PNKP: variants seen among roughly 807,000 people sequenced by gnomAD.
The protein encoded by PNKP is polynucleotide kinase 3'-phosphatase, also known as bifunctional polynucleotide phosphatase/kinase.
A neutral mutation model predicts 66.2 loss-of-function variants in PNKP; 82 were observed. The observed-to-expected ratio is 1.24, with a 90% CI of 1.04 to 1.49. The LOEUF (loss-of-function observed/expected upper bound fraction) is 1.49. Among genes scored for constraint, PNKP ranks in the 40% most tolerant of loss-of-function variants. The pLI, the probability that PNKP is intolerant of heterozygous loss-of-function variation, is 0.00. For missense variants in PNKP, 907 were observed against 706.8 expected (o/e 1.28, Z -3.21); for synonymous variants, 412 against 298.9 (o/e 1.38, Z -3.90).
At chr19:49,863,539 A>T (rs2074795512) in intron 8 of PNKP, 150 bp downstream of exon 8, 1 of 658,288 alleles carries the variant, frequency 1.5e-6, no homozygotes, top group East Asian at 2.7e-5. Flanking sequence ...GGTCTCGTAA[A>T]CCAACATCTA....
rs1400807840 is a variant in PNKP at position 49,864,498 on chromosome 19, G to A, written c.499-95C>T. On this transcript the variant is annotated intron_variant, in intron 4 of 16. Coordinates refer to ENST00000322344, the MANE Select transcript of PNKP (RefSeq NM_007254.4). ...TCACACCAACCCTGCCAGGCAGGGT[G>A]TTATCACTGCCATCTCACAGATGGG... 21 of 903,080 alleles carry A rather than the reference G, an allele frequency of 2.3e-5. 1 individual carries two copies. Among genetic ancestry groups the A allele is most frequent in the Non-Finnish European group, 3.5e-5 (19 of 540,924 alleles). 55.9% of individuals were successfully genotyped at this position (903,080 alleles called of 1,614,324 possible).
At chr19:49,865,525 A>G (rs886860832) in intron 3 of PNKP, 99 bp from the exon 4 acceptor site, 1 of 795,860 alleles carries the variant, frequency 1.3e-6, no homozygotes, top group Non-Finnish European at 2.1e-6. Context: ...CTCCACCACT[A>G]TCAGACCCTT....
rs1281429993 is a variant in PNKP, at chr19:49,861,480, G to A, written c.1417C>T (p.Pro473Ser). 1.2e-6 allele frequency: 2 copies of A among 1,611,610 alleles called. No individual in the cohort carries two copies. The highest frequency in any genetic ancestry group is 2.2e-5 in the East Asian group (1 of 44,758). ...FREMTDSSHIPVSDMVMYGYR... is the reference protein window; with the variant it reads ...FREMTDSSHISVSDMVMYGYR... ...CCATACATGACCATGTCTGACACGG[G>A]GATATGAGAGGAGTCCGTCATCTCT... Residue 473 changes from proline (P) to serine (S), a missense_variant, in exon 16 of 17, where the codon CCC becomes TCC. Physicochemically the swap from Pro to Ser is moderately conservative, Grantham distance 74 (BLOSUM62 -1). Transcript: ENST00000322344.
chr19:49,861,962 G>A lies in PNKP; in HGVS notation c.1189-81C>T, dbSNP rs2074772220. 5 of 1,587,030 alleles carry A rather than the reference G, an allele frequency of 3.2e-6. No homozygotes were observed. The East Asian group carries it at 1.1e-4, about 36-fold the overall frequency. ...CGAGCGGGGACGGGGAGGCAATGAT[G>A]GAGGAAAGCCGCCCCAAACCAGTTG... On this transcript the variant is annotated intron_variant, in intron 13 of 16. Coordinates refer to ENST00000322344, the MANE Select transcript of PNKP (RefSeq NM_007254.4).
At position 49,864,034 on chromosome 19, in the gene PNKP, C is replaced by A. The variant is rs2074799850; in HGVS notation, c.674G>T (p.Gly225Val). 6.2e-7 allele frequency: 1 copy of A among 1,614,036 alleles called. No homozygotes were observed. Among genetic ancestry groups the A allele is most frequent in the Non-Finnish European group, 8.5e-7 (1 of 1,180,026 alleles). The change falls in exon 7 of 17, where the codon GGG becomes GTG. Residue 225 changes from glycine to valine, a missense_variant. Coordinates refer to ENST00000322344, the MANE Select transcript of PNKP (RefSeq NM_007254.4). Reference protein sequence around the residue: ...IFTNQMSIGRGKLPAEEFKAK... With the variant: ...IFTNQMSIGRVKLPAEEFKAK... ...CTTGAACTCCTCGGCTGGCAGCTTC[C>A]CGCGCCCGATGCTCATCTGGTTGGT...
chr19:49,862,376 C>G lies in PNKP; in HGVS notation c.1024G>C (p.Asp342His), dbSNP rs2074780573. 1 of 1,483,772 alleles carries G rather than the reference C, an allele frequency of 6.7e-7. No homozygotes were observed. Among genetic ancestry groups the G allele is most frequent in the South Asian group, 1.2e-5 (1 of 82,676 alleles). 91.9% of individuals were successfully genotyped at this position (1,483,772 alleles called of 1,614,324 possible). A position where few individuals can be genotyped will look rare whatever the true frequency, so the allele number is the denominator to read the frequency against. The change falls in exon 11 of 17, where the codon GAT (aspartate) becomes CAT (histidine). Residue 342 changes from aspartate (D) to histidine (H), a missense_variant. Asp to His is a moderately conservative substitution (Grantham distance 81, BLOSUM62 -1). Coordinates refer to ENST00000322344, the MANE Select transcript of PNKP (RefSeq NM_007254.4). ...PAAGFELPAF[D>H]PRTVSRSGPL... is the part of the protein sequence containing the mutation. ...CCCCCGCCCCAGGGCCTCACCGGAT[C>G]AAAGGCTGGGAGCTCGAAGCCGGCT...
Position 49,862,151 on chromosome 19 carries a change from G to A in PNKP, c.1126+34C>T, listed in dbSNP as rs370937493. 1.7e-3 allele frequency: 2,781 copies of A among 1,613,340 alleles called. 2 individuals are homozygous for A. The highest frequency in any genetic ancestry group is 2.1e-3 in the Non-Finnish European group (2,468 of 1,179,268). The stretch of plus-strand genomic sequence containing the variant: ...GTGGGTGGCCTAGGACCCAGGCGGG[G>A]CTCAGGGCACGCGCACAGGAACAGG... On this transcript the variant is annotated intron_variant, in intron 12 of 16. Transcript: ENST00000322344.
rs772557014 is a variant in PNKP at position 49,862,112 on chromosome 19, G to T, written c.1127-7C>A. 8 of 1,614,086 alleles carry T rather than the reference G, an allele frequency of 5.0e-6. No homozygotes were observed. Among genetic ancestry groups the T allele is most frequent in the Admixed American group, 1.7e-5 (1 of 60,022 alleles). On this transcript the variant is annotated splice_polypyrimidine_tract_variant and splice_region_variant and intron_variant, in intron 12 of 16. Coordinates refer to ENST00000322344, the MANE Select transcript of PNKP (RefSeq NM_007254.4). Reference sequence around the variant, plus strand: ...AGAAAGGTGGACTTCCCGGCTGTGTGGGGGGCAGTGTCGGTGGGTGGCCTA... The same window carrying T: ...AGAAAGGTGGACTTCCCGGCTGTGTTGGGGGCAGTGTCGGTGGGTGGCCTA...
intron 2 of PNKP, 139 bp downstream of exon 2, chr19:49,866,915 T>G: frequency 1.2e-6 from 1 of 852,872 alleles, no homozygotes; most frequent in Non-Finnish European, 2.1e-6. Context: ...AAACTTTATC[T>G]TCCTGTACTC....
chr19:49,863,782 C>G lies in PNKP; in HGVS notation c.745-22G>C, dbSNP rs771085708. The G allele has an allele frequency of 5.2e-6, 8 of 1,550,886 alleles. No homozygotes were observed. In the South Asian group the frequency reaches 8.3e-5, roughly 16 times the overall value. ...GCACCTGTGGATGGGAGGGGGCCAC[C>G]AGCTTTAGCTCCCCCTCAAGCACCT... On this transcript the variant is annotated intron_variant, in intron 7 of 16. Coordinates refer to ENST00000322344, the MANE Select transcript of PNKP (RefSeq NM_007254.4).
chr19:49,866,392 C>CTGATACCTGT lies in PNKP; in HGVS notation c.195_198+6dup, dbSNP rs1471462994. The CTGATACCTGT allele has an allele frequency of 6.2e-7, 1 of 1,612,924 alleles. No homozygotes were observed. Among genetic ancestry groups the CTGATACCTGT allele is most frequent in the African/African-American group, 1.3e-5 (1 of 74,910 alleles). Reference sequence around the variant, plus strand: ...GGCCTTGCTGGCCCTTGCAGAGGCACTGATACCTGTTTCACTGCCACTGTC... The same window carrying CTGATACCTGT: ...GGCCTTGCTGGCCCTTGCAGAGGCACTGATACCTGTTGATACCTGTTTCACTGCCACTGTC... On this transcript the variant is annotated splice_region_variant and intron_variant, in intron 3 of 16. Coordinates refer to ENST00000322344, the MANE Select transcript of PNKP (RefSeq NM_007254.4).
Position 49,862,261 on chromosome 19 carries a change from C to T in PNKP, c.1050G>A (p.Gly350=), listed in dbSNP as rs1194208521. Residue 350 remains glycine, a synonymous_variant, in exon 12 of 17, where the codon GGG becomes GGA. Coordinates refer to ENST00000322344, the MANE Select transcript of PNKP (RefSeq NM_007254.4). ...AFDPRTVSRS[G]PLCLPESRAL... ...CCCTGGACTCGGGGAGGCAGAGAGG[C>T]CCTGAGCGGGAGACAGTCCTCTGCG... 70 of 1,604,708 alleles carry T rather than the reference C, an allele frequency of 4.4e-5. No homozygotes were observed. Among genetic ancestry groups the T allele is most frequent in the Non-Finnish European group, 5.9e-5 (69 of 1,175,964 alleles).
intron 4 of PNKP, 93 bp from the exon 5 acceptor site, chr19:49,864,496 G>GT: frequency 2.1e-6 from 2 of 935,224 alleles, no homozygotes; most frequent in Non-Finnish European, 3.5e-6. Context: ...GCCAGGCAGG[G>GT]TGTTATCACT....
At chr19:49,864,126 T>C in intron 6 of PNKP, 53 bp downstream of exon 6, 1 of 1,607,322 alleles carries the variant, frequency 6.2e-7, no homozygotes. Context: ...TTGGTCTGAC[T>C]GCGGTCGGAC....
In PNKP at chr19:49,867,074, C is replaced by A; in HGVS notation, c.131G>T (p.Arg44Leu). 2 of 1,613,926 alleles carry A rather than the reference C, an allele frequency of 1.2e-6. No individual in the cohort carries two copies. The highest frequency in any genetic ancestry group is 2.7e-5 in the African/African-American group (2 of 75,040). Residue 44 changes from arginine (R) to leucine (L), a missense_variant, in exon 2 of 17, where the codon CGG becomes CTG. By Grantham distance (102) the Arg-to-Leu change is moderately radical (BLOSUM62 -2). Transcript: ENST00000322344. ...CTCACCTTGAGTTCTGGAGCACTTC[C>A]GGTCCGTAACCTGGGTCAGGGGTCC... ...GRGPLTQVTD[R>L]KCSRTQVELV...
At position 49,861,812 on chromosome 19, in the gene PNKP, C is replaced by CGACCCGTTTCCCTTGCTTCAGGGCT; in HGVS notation, c.1233_1257dup (p.Ala420SerfsTer82). On this transcript the variant is annotated frameshift_variant, in exon 14 of 17. Coordinates refer to ENST00000322344, the MANE Select transcript of PNKP (RefSeq NM_007254.4). LOFTEE classifies it high-confidence loss of function. The stretch of plus-strand genomic sequence containing the variant: ...GCGTCTGGGTTTGTGTTGTCGATGG[C>CGACCCGTTTCCCTTGCTTCAGGGCT]GACCCGTTTCCCTTGCTTCAGGGCT... 6 of 1,581,892 alleles carry CGACCCGTTTCCCTTGCTTCAGGGCT rather than the reference C, an allele frequency of 3.8e-6. No homozygotes were observed. Among genetic ancestry groups the CGACCCGTTTCCCTTGCTTCAGGGCT allele is most frequent in the Non-Finnish European group, 5.1e-6 (6 of 1,167,654 alleles).
Position 49,863,960 on chromosome 19 carries a change from A to G in PNKP, c.744+4T>C. The G allele has an allele frequency of 6.2e-7, 1 of 1,608,072 alleles. No homozygotes were observed. The highest frequency in any genetic ancestry group is 8.5e-7 in the Non-Finnish European group (1 of 1,174,754). On this transcript the variant is annotated splice_donor_region_variant and intron_variant, in intron 7 of 16. Coordinates refer to ENST00000322344, the MANE Select transcript of PNKP (RefSeq NM_007254.4). ...ATAGCTCCCAGCCTCCCTTCCAGCC[A>G]TACCTGGAAGGGGACCCCCAGCTTC...
chr19:49,861,392 C>T, intron 16 of PNKP, 27 bp from the exon 17 acceptor site: 8 of 1,613,898 alleles, frequency 5.0e-6, no homozygotes, highest in Non-Finnish European at 6.8e-6. Context: ...CAGTGAGGGA[C>T]AGCCTGGATC....
At chr19:49,864,748 T>C (rs1208895498) in intron 4 of PNKP, among the ~76,000 whole-genome samples, 2 of 152,212 alleles carry the variant, frequency 1.3e-5, no homozygotes, top group East Asian at 3.8e-4. Context: ...AAGCTTTGGG[T>C]GCTAACTGCA....
Sources: gnomAD v4.1 joint callset for allele counts (sites outside exome capture counted in the v4.1 genomes callset) on GRCh38, gnomAD v4.1.1 for gene constraint, MANE v1.5 for transcripts, NCBI Gene and HGNC (gene_info 2026-07-23, HGNC 2026-07-21) for gene names.